The following NDRG3 variants were observed in gnomAD, a reference collection of about 807,000 sequenced individuals.
The protein encoded by NDRG3 is NDRG family member 3, also known as protein NDRG3.
NDRG3 carries 23 observed loss-of-function variants against 57.2 expected under a neutral mutation model. That is an observed-to-expected ratio of 0.40 (90% CI 0.29 to 0.57). The LOEUF (loss-of-function observed/expected upper bound fraction) is 0.57, where lower values mean the gene tolerates loss of function less well. Ranked by LOEUF, NDRG3 falls within the 20% of genes least tolerant of loss-of-function variation. The probability of loss-of-function intolerance (pLI) is 0.42; values close to 1 mark genes in which losing one functional copy is unlikely to be tolerated. For missense variants in NDRG3, 384 were observed against 457.3 expected (o/e 0.84, Z 1.46); for synonymous variants, 132 against 162.6 (o/e 0.81, Z 1.43).
intron 1 of NDRG3, among the ~76,000 whole-genome samples, chr20:36,738,615 G>A (rs1028298591): frequency 1.1e-4 from 16 of 151,776 alleles, no homozygotes; most frequent in African/African-American, 3.6e-4. Flanking sequence ...TTGAGGTGAG[G>A]AGTTTGAGAC....
At chr20:36,654,913 G>A in intron 15 of NDRG3, 1 of 776,788 alleles carries the variant, frequency 1.3e-6, no homozygotes, top group Non-Finnish European at 2.4e-6. Context: ...CAGCTGCCTG[G>A]TAGACACTGA....
intron 12 of NDRG3, among the ~76,000 whole-genome samples, chr20:36,661,455 A>G (rs1979193689): frequency 6.6e-6 from 1 of 152,250 alleles, no homozygotes; most frequent in South Asian, 2.1e-4. Flanking sequence ...ATCTGGATCC[A>G]GCAGGGTGAA....
chr20:36,662,324 T>A (rs1234255946), intron 12 of NDRG3, among the ~76,000 whole-genome samples: 3 of 151,690 alleles, frequency 2.0e-5, no homozygotes, highest in Non-Finnish European at 2.9e-5. Context: ...GCTTCCTGGG[T>A]TCTAGCAATT....
chr20:36,727,067 C>A (rs1016733767), intron 1 of NDRG3, among the ~76,000 whole-genome samples: 13 of 151,986 alleles, frequency 8.6e-5, no homozygotes, highest in African/African-American at 3.1e-4. Flanking sequence ...TAGGCGCATG[C>A]CTCCATGCCC....
intron 2 of NDRG3, among the ~76,000 whole-genome samples, chr20:36,709,705 C>A (rs1161834241): frequency 6.6e-6 from 1 of 152,112 alleles, no homozygotes; most frequent in Non-Finnish European, 1.5e-5. Context: ...AGAAAGGGTC[C>A]TCTCATGGAT....
intron 3 of NDRG3, among the ~76,000 whole-genome samples, chr20:36,696,798 G>C (rs1360350355): frequency 6.6e-6 from 1 of 152,146 alleles, no homozygotes; most frequent in African/African-American, 2.4e-5. Context: ...GCCGCCTCTG[G>C]CCTTTTCTAT....
At chr20:36,675,131 C>T (rs944830121) in intron 8 of NDRG3, among the ~76,000 whole-genome samples, 1 of 145,892 alleles carries the variant, frequency 6.9e-6, no homozygotes, top group African/African-American at 2.6e-5. Flanking sequence ...ATGATCTTGA[C>T]TCACTACAAC....
intron 1 of NDRG3, among the ~76,000 whole-genome samples, chr20:36,730,247 C>CAA (rs36065530): frequency 6.8e-5 from 8 of 118,484 alleles, no homozygotes; most frequent in Non-Finnish European, 1.1e-4. Context: ...ACTCTGTCTC[C>CAA]AAAAAAAAAA....
At position 36,680,900 on chromosome 20, in the gene NDRG3, G is replaced by C. The variant is rs1981225820; in HGVS notation, c.447C>G (p.Leu149=). The part of the protein sequence containing the change: ...AGAYILSRFA[L]NHPELVEGLV... Reference sequence around the variant, plus strand: ...GGCCTTCCACAAGCTCTGGATGGTTGAGCTGAAAGATGAGGCAAAGACAAT... The same window carrying C: ...GGCCTTCCACAAGCTCTGGATGGTTCAGCTGAAAGATGAGGCAAAGACAAT... Residue 149 remains leucine, a splice_region_variant and synonymous_variant, in exon 8 of 16, where the codon CTC becomes CTG. Coordinates refer to ENST00000349004, the MANE Select transcript of NDRG3 (RefSeq NM_032013.4). 1 of 1,613,666 alleles carries C rather than the reference G, an allele frequency of 6.2e-7. No individual in the cohort carries two copies. The highest frequency in any genetic ancestry group is 1.7e-5 in the Admixed American group (1 of 60,022).
At chr20:36,718,955 A>C (rs1984429759) in intron 2 of NDRG3, among the ~76,000 whole-genome samples, 1 of 152,116 alleles carries the variant, frequency 6.6e-6, no homozygotes, top group African/African-American at 2.4e-5. Flanking sequence ...TGCTTGGATT[A>C]TAGGTGTGAG....
chr20:36,719,425 C>CAAAAA (rs542067369), intron 2 of NDRG3, among the ~76,000 whole-genome samples: 1 of 71,208 alleles, frequency 1.4e-5, no homozygotes, highest in Admixed American at 1.5e-4. Flanking sequence ...GACTCCGTTT[C>CAAAAA]AAAAAAAAAA....
rs1984941744 is a variant in NDRG3, at chr20:36,726,483, G to C, written c.-48-4700C>G. 2.6e-5 allele frequency among the ~76,000 whole-genome samples: 4 copies of C among 152,248 alleles called. No individual in the cohort carries two copies. The South Asian group carries it at 8.3e-4, about 32-fold the overall frequency. ...TTTTGCTCCGCTTTCAATGTCTCAA[G>C]CCCTTGCCAATGAGCAGTTTTATAA... On this transcript the variant is annotated intron_variant, in intron 1 of 15. Transcript: ENST00000349004.
In NDRG3 at chr20:36,706,954, T is replaced by G; in HGVS notation, c.93+18A>C. The G allele has an allele frequency of 6.2e-7, 1 of 1,611,414 alleles. No individual in the cohort carries two copies. The highest frequency in any genetic ancestry group is 8.5e-7 in the Non-Finnish European group (1 of 1,177,766). On this transcript the variant is annotated intron_variant, in intron 3 of 15. Transcript: ENST00000349004. Reference sequence around the variant, plus strand: ...GAGATCCTGTACAGAGCCTCCTTCTTGCTTGTACAGTCCTTACCTGACAGT... The same window carrying G: ...GAGATCCTGTACAGAGCCTCCTTCTGGCTTGTACAGTCCTTACCTGACAGT...
At chr20:36,712,584 TA>T (rs1207736470) in intron 2 of NDRG3, among the ~76,000 whole-genome samples, 421 of 40,678 alleles carry the variant, frequency 0.01, 2 homozygotes, top group African/African-American at 0.018. Context: ...TATATATATA[TA>T]TATTTTTTTT....
In NDRG3 at chr20:36,738,716, G is replaced by A. The variant is rs141741057; in HGVS notation, c.-49+7329C>T. On this transcript the variant is annotated intron_variant, in intron 1 of 15. Transcript: ENST00000349004. ...CATGCACCTGTAATCCCAGCTACTC[G>A]GGAGGCTGAGGCAGGAGAACTGCTT... is the stretch of plus-strand genomic sequence containing the variant. Among the ~76,000 whole-genome samples, 426 of 147,238 alleles carry A rather than the reference G, an allele frequency of 2.9e-3. 3 individuals carry two copies. The highest frequency in any genetic ancestry group is 9.6e-3 in the African/African-American group (382 of 39,752).
At chr20:36,694,671 AGTCATATACAAC>A (rs1355633822) in intron 3 of NDRG3, among the ~76,000 whole-genome samples, 1 of 152,184 alleles carries the variant, frequency 6.6e-6, no homozygotes, top group Non-Finnish European at 1.5e-5. Flanking sequence ...AATCCTGTGA[AGTCATATACAAC>A]ATCTCTACAC....
At chr20:36,732,205 G>A (rs1225977705) in intron 1 of NDRG3, among the ~76,000 whole-genome samples, 3 of 152,188 alleles carry the variant, frequency 2.0e-5, no homozygotes, top group Non-Finnish European at 4.4e-5. Context: ...GAATCCAGGA[G>A]AGACACACAC....
chr20:36,653,289 G>C lies in NDRG3; in HGVS notation c.*231C>G, dbSNP rs1271637799. ...GGCAAGAGAGGATATGGAGAGATCT[G>C]ATCAGCTAAAGATGTTGGAATGTTA... On this transcript the variant is annotated 3_prime_UTR_variant, in exon 16 of 16. Coordinates refer to ENST00000349004, the MANE Select transcript of NDRG3 (RefSeq NM_032013.4). The surrounding 1 kb of genome is among the most constrained non-coding windows in gnomAD (Gnocchi z 4.2). 13 of 470,526 alleles carry C rather than the reference G, an allele frequency of 2.8e-5. 1 individual carries two copies. Among genetic ancestry groups the C allele is most frequent in the Admixed American group, 2.2e-4 (6 of 27,470 alleles). 29.1% of individuals were successfully genotyped at this position (470,526 alleles called of 1,614,324 possible).
intron 5 of NDRG3, among the ~76,000 whole-genome samples, chr20:36,686,246 T>C (rs927417347): frequency 1.3e-5 from 2 of 152,184 alleles, no homozygotes; most frequent in African/African-American, 2.4e-5. Context: ...TAGAGTCAGA[T>C]TCTGGCACCA....
Sources: gnomAD v4.1 joint callset for allele counts (sites outside exome capture counted in the v4.1 genomes callset) on GRCh38, gnomAD v4.1.1 for gene constraint, Gnocchi (gnomAD v3.1) non-coding constraint, MANE v1.5 for transcripts, NCBI Gene and HGNC (gene_info 2026-07-23, HGNC 2026-07-21) for gene names.